The following ANKRD36 variants were observed in gnomAD, a reference collection of about 807,000 sequenced individuals.
ANKRD36 encodes the protein ankyrin repeat domain-containing protein 36A.
In ANKRD36, 179 loss-of-function variants were observed where a neutral mutation model predicts 278.1. The ratio of observed to expected loss-of-function variants is 0.64; its 90% CI spans 0.57 to 0.73. The LOEUF is 0.73. Among genes scored for constraint, ANKRD36 ranks in the 30% least tolerant of loss-of-function variants. The pLI, the probability that ANKRD36 is intolerant of heterozygous loss-of-function variation, is 0.00. For missense variants in ANKRD36, 1,159 were observed against 1,956.7 expected (o/e 0.59, Z 7.69); for synonymous variants, 320 against 641.1 (o/e 0.50, Z 7.57).
At chr2:97,184,342 TA>T (rs903212150) in intron 28 of ANKRD36, among the ~76,000 whole-genome samples, 7 of 151,720 alleles carry the variant, frequency 4.6e-5, no homozygotes, top group African/African-American at 1.7e-4. Context: ...ATCAGACATA[TA>T]TTTTTTTTTA....
Position 97,151,873 on chromosome 2 carries a change from T to C in ANKRD36, c.1102-6T>C. ...TATTCTTAAACCTATTGTGTTTTTCTTCTAGATTATTTCAAAACTATACAT... is the reference window on the plus strand; with the variant it reads ...TATTCTTAAACCTATTGTGTTTTTCCTCTAGATTATTTCAAAACTATACAT... On this transcript the variant is annotated splice_region_variant and splice_polypyrimidine_tract_variant and intron_variant, in intron 12 of 75. Coordinates refer to ENST00000420699, the MANE Select transcript of ANKRD36 (RefSeq NM_001354587.1). 1 of 1,378,832 alleles carries C rather than the reference T, an allele frequency of 7.3e-7. No individual in the cohort carries two copies. Among genetic ancestry groups the C allele is most frequent in the Non-Finnish European group, 9.9e-7 (1 of 1,009,558 alleles). 85.4% of individuals were successfully genotyped at this position (1,378,832 alleles called of 1,614,324 possible).
At chr2:97,232,877 G>A (rs1214278612) in intron 67 of ANKRD36, among the ~76,000 whole-genome samples, 1 of 152,060 alleles carries the variant, frequency 6.6e-6, no homozygotes, top group Non-Finnish European at 1.5e-5. Flanking sequence ...CAAATAGGTT[G>A]TGAGGCAAAT....
intron 52 of ANKRD36, 99 bp downstream of exon 52, chr2:97,206,234 T>C: frequency 1.6e-6 from 2 of 1,281,438 alleles, no homozygotes; most frequent in African/African-American, 1.5e-5. Flanking sequence ...AGCTGCACTT[T>C]CTGATTCAGC....
chr2:97,124,687 A>G, intron 5 of ANKRD36, 90 bp downstream of exon 5: 4 of 1,427,994 alleles, frequency 2.8e-6, no homozygotes, highest in Admixed American at 2.9e-5. Flanking sequence ...GTGAGATTTC[A>G]TAGTTTGGTT....
At chr2:97,115,340 A>C (rs1350905055) in intron 1 of ANKRD36, among the ~76,000 whole-genome samples, 2 of 152,104 alleles carry the variant, frequency 1.3e-5, no homozygotes, top group Non-Finnish European at 2.9e-5. Flanking sequence ...ACAAATGCCT[A>C]CTTATATTGA....
At chr2:97,125,377 C>T (rs1398614163) in intron 5 of ANKRD36, among the ~76,000 whole-genome samples, 3 of 129,066 alleles carry the variant, frequency 2.3e-5, no homozygotes, top group Non-Finnish European at 3.3e-5. Context: ...AACACACATA[C>T]GGAGCAAATT....
chr2:97,208,769 G>C (rs1308077998), intron 54 of ANKRD36, among the ~76,000 whole-genome samples: 2 of 146,496 alleles, frequency 1.4e-5, no homozygotes, highest in African/African-American at 5.3e-5. Flanking sequence ...GAGCTACCTC[G>C]TGGATAAAAT....
intron 52 of ANKRD36, 89 bp from the exon 53 acceptor site, chr2:97,207,722 G>A: frequency 3.9e-6 from 6 of 1,530,446 alleles, no homozygotes; most frequent in Non-Finnish European, 5.3e-6. Context: ...CAGGCAGGAG[G>A]ACAGAGGTTG....
chr2:97,178,827 A>T (rs1369585691), intron 22 of ANKRD36, among the ~76,000 whole-genome samples: 2 of 151,824 alleles, frequency 1.3e-5, no homozygotes, highest in Non-Finnish European at 2.9e-5. Flanking sequence ...TTAAAGTATA[A>T]TAAAAAAAAG....
chr2:97,194,918 G>C lies in ANKRD36; in HGVS notation c.2551+1G>C, dbSNP rs2059348189. 3 of 1,546,706 alleles carry C rather than the reference G, an allele frequency of 1.9e-6. No homozygotes were observed. In the East Asian group the frequency reaches 7.3e-5, roughly 38 times the overall value. ...AAGGATGGAGAAATATCTAGGAAAG[G>C]TAATTTTGCGAAACACATTTAATGT... On this transcript the variant is annotated splice_donor_variant, in intron 40 of 75. Coordinates refer to ENST00000420699, the MANE Select transcript of ANKRD36 (RefSeq NM_001354587.1). LOFTEE classifies it high-confidence loss of function.
At chr2:97,208,633 G>A (rs1406897606) in intron 54 of ANKRD36, among the ~76,000 whole-genome samples, 3 of 146,332 alleles carry the variant, frequency 2.1e-5, no homozygotes, top group Non-Finnish European at 3.0e-5. Context: ...GGTATAATTG[G>A]AATACACCAC....
intron 32 of ANKRD36, 93 bp downstream of exon 32, chr2:97,187,494 G>GGGGA: frequency 8.4e-5 from 8 of 95,518 alleles, no homozygotes; most frequent in Non-Finnish European, 1.7e-4. Context: ...GGGTGGGGGG[G>GGGGA]CTCGCCGAAG....
In ANKRD36 at chr2:97,194,883, C is replaced by G. The variant is rs1185162592; in HGVS notation, c.2517C>G (p.Thr839=). ...AGAAGGATTCTTTTTCGAATATAACCAGAGGAAAAAAGGATGGAGAAATAT... is the reference window on the plus strand; with the variant it reads ...AGAAGGATTCTTTTTCGAATATAACGAGAGGAAAAAAGGATGGAGAAATAT... ...SDEKDSFSNI[T]RGKKDGEISR... is the part of the protein sequence containing the mutation. Residue 839 remains threonine (T), a synonymous_variant, in exon 40 of 76, where the codon ACC becomes ACG. Coordinates refer to ENST00000420699, the MANE Select transcript of ANKRD36 (RefSeq NM_001354587.1). The G allele has an allele frequency of 1.3e-6, 2 of 1,569,598 alleles. No homozygotes were observed.
intron 11 of ANKRD36, among the ~76,000 whole-genome samples, chr2:97,148,765 A>T (rs1458729550): frequency 1.5e-4 from 23 of 150,396 alleles, no homozygotes; most frequent in African/African-American, 5.5e-4. Flanking sequence ...GGTGAAAAGA[A>T]TCAATGGGCC....
intron 28 of ANKRD36, among the ~76,000 whole-genome samples, chr2:97,183,971 A>G (rs1040759356): frequency 2.0e-5 from 3 of 151,588 alleles, no homozygotes; most frequent in African/African-American, 7.3e-5. Flanking sequence ...GAGGGGAAGG[A>G]GAAAGAGAAG....
At position 97,167,783 on chromosome 2, in the gene ANKRD36, C is replaced by T. The variant is rs1316567221; in HGVS notation, c.1633+16C>T. ...CCAGGAAAAGGTAAATTTGCCAATA[C>T]AAATTTCATCTGGAAAGAAGGACAT... On this transcript the variant is annotated intron_variant, in intron 22 of 75. Coordinates refer to ENST00000420699, the MANE Select transcript of ANKRD36 (RefSeq NM_001354587.1). The T allele has an allele frequency of 6.7e-7, 1 of 1,494,262 alleles. No individual in the cohort carries two copies. Among genetic ancestry groups the T allele is most frequent in the East Asian group, 2.5e-5 (1 of 40,734 alleles). The allele number at this position is 1,494,262 out of a possible 1,614,324, so 92.6% of individuals were successfully genotyped here. A position where few individuals can be genotyped will look rare whatever the true frequency, so the allele number is the denominator to read the frequency against.
intron 13 of ANKRD36, 103 bp from the exon 14 acceptor site, chr2:97,152,401 G>A: frequency 9.9e-7 from 1 of 1,012,806 alleles, no homozygotes; most frequent in East Asian, 2.6e-5. Flanking sequence ...AGCCTTCTGA[G>A]TAGCTGGGAT....
intron 67 of ANKRD36, among the ~76,000 whole-genome samples, chr2:97,231,344 G>A (rs2071989029): frequency 6.6e-6 from 1 of 152,164 alleles, no homozygotes; most frequent in Non-Finnish European, 1.5e-5. Flanking sequence ...AATGGCAGGT[G>A]CCCCTCCCCC....
intron 15 of ANKRD36, 33 bp from the exon 16 acceptor site, chr2:97,158,074 G>T: frequency 7.1e-7 from 1 of 1,409,162 alleles, no homozygotes; most frequent in Non-Finnish European, 9.7e-7. Context: ...TTAACTTGCT[G>T]CATGTTATTC....
Sources: allele counts gnomAD v4.1 joint callset (sites outside exome capture counted in the v4.1 genomes callset), GRCh38; gene constraint gnomAD v4.1.1; transcripts MANE v1.5; gene names NCBI Gene and HGNC (gene_info 2026-07-23, HGNC 2026-07-21).